Variants in CCNYL1 observed in about 807,000 individuals in gnomAD.
The protein encoded by CCNYL1 is cyclin Y like 1.
In CCNYL1, 16 loss-of-function variants were observed where a neutral mutation model predicts 44.2. That is an observed-to-expected ratio of 0.36 (90% confidence interval 0.25 to 0.55). The LOEUF (loss-of-function observed/expected upper bound fraction) is 0.55, where lower values mean the gene tolerates loss of function less well. Ranked by LOEUF, CCNYL1 falls within the 20% of genes least tolerant of loss-of-function variation. CCNYL1 has a pLI of 0.85. For missense variants in CCNYL1, 348 were observed against 451.8 expected, an observed-to-expected ratio of 0.77 and a Z score of 2.08; for synonymous variants, 159 against 163.2, an observed-to-expected ratio of 0.97 and a Z score of 0.20.
At chr2:207,739,765 A>G (rs2105834379) in intron 5 of CCNYL1, among the ~76,000 whole-genome samples, 1 of 152,308 alleles carries the variant, frequency 6.6e-6, no homozygotes, top group East Asian at 1.9e-4. Flanking sequence ...GATATTCATG[A>G]GTGAAGCAGG....
chr2:207,736,476 A>G (rs1207181666), intron 4 of CCNYL1, among the ~76,000 whole-genome samples: 1 of 152,214 alleles, frequency 6.6e-6, no homozygotes, highest in African/African-American at 2.4e-5. Flanking sequence ...ACTTAAACCA[A>G]TGTGGAAATA....
At chr2:207,724,184 A>G (rs927591400) in intron 1 of CCNYL1, among the ~76,000 whole-genome samples, 2 of 152,198 alleles carry the variant, frequency 1.3e-5, no homozygotes, top group East Asian at 1.9e-4. Context: ...ATTGAGGGCA[A>G]ACGTTAATCA....
chr2:207,726,336 C>T (rs1027685434), intron 2 of CCNYL1, among the ~76,000 whole-genome samples: 4 of 152,106 alleles, frequency 2.6e-5, no homozygotes, highest in East Asian at 1.9e-4. Context: ...TGTAAAGACC[C>T]GTTTATTTTT....
Position 207,734,088 on chromosome 2 carries a change from C to G in CCNYL1, c.431+41C>G, listed in dbSNP as rs781771006. The G allele has an allele frequency of 7.8e-6, 10 of 1,280,984 alleles. No homozygotes were observed. In the South Asian group the frequency reaches 1.1e-4, roughly 14 times the overall value. 79.4% of individuals were successfully genotyped at this position (1,280,984 alleles called of 1,614,324 possible). A position where few individuals can be genotyped will look rare whatever the true frequency, so the allele number is the denominator to read the frequency against. On this transcript the variant is annotated intron_variant, in intron 4 of 9. Transcript: ENST00000295414. ...CTGCCAAGGGCTGAGTGACAGACCC[C>G]CTTATGCTAAAAGCATCCTAGCCAT...
chr2:207,723,892 A>T (rs2091660376), intron 1 of CCNYL1, among the ~76,000 whole-genome samples: 1 of 151,784 alleles, frequency 6.6e-6, no homozygotes, highest in African/African-American at 2.4e-5. Flanking sequence ...AAAAAAAAAA[A>T]AAAGACCTTG....
intron 1 of CCNYL1, among the ~76,000 whole-genome samples, chr2:207,718,581 C>T (rs564282375): frequency 6.6e-6 from 1 of 151,996 alleles, no homozygotes; most frequent in African/African-American, 2.4e-5. Flanking sequence ...AAAATAAATG[C>T]AGATGATCCT....
chr2:207,728,053 T>C (rs2091694098), intron 3 of CCNYL1, among the ~76,000 whole-genome samples: 1 of 150,014 alleles, frequency 6.7e-6, no homozygotes, highest in African/African-American at 2.5e-5. Flanking sequence ...AACCTCTGCC[T>C]CCCGGGTTCA....
In CCNYL1 at chr2:207,753,630, G is replaced by A. The variant is rs528503126; in HGVS notation, c.1012G>A (p.Ala338Thr). 91 of 1,612,760 alleles carry A rather than the reference G, an allele frequency of 5.6e-5. No homozygotes were observed. The highest frequency in any genetic ancestry group is 3.6e-4 in the South Asian group (33 of 90,954). ...LCEDKDLCRA[A>T]MRRSFSADNF... ...TGAAGACAAAGACTTGTGTAGAGCCGCTATGAGAAGGTCTTTCAGTGCTGA... is the reference window on the plus strand; with the variant it reads ...TGAAGACAAAGACTTGTGTAGAGCCACTATGAGAAGGTCTTTCAGTGCTGA... Residue 338 changes from alanine to threonine, a missense_variant, in exon 10 of 10, where the codon GCT (alanine) becomes ACT (threonine). Ala to Thr is a moderately conservative substitution (Grantham distance 58). Around this residue, in one of 3 missense-constraint regions of CCNYL1, gnomAD observed 94 missense variants for 102.4 expected, o/e 0.92. Transcript: ENST00000295414.
chr2:207,719,178 A>G (rs577788955), intron 1 of CCNYL1, among the ~76,000 whole-genome samples: 6 of 152,292 alleles, frequency 3.9e-5, no homozygotes, highest in South Asian at 4.1e-4. Flanking sequence ...GCCAAAGTGC[A>G]TATTTGCTGA....
chr2:207,751,074 T>C lies in CCNYL1; in HGVS notation c.924T>C (p.Asn308=), dbSNP rs1314570149. 6.2e-7 allele frequency: 1 copy of C among 1,614,032 alleles called. No homozygotes were observed. Among genetic ancestry groups the C allele is most frequent in the African/African-American group, 1.3e-5 (1 of 74,926 alleles). ...CCTTAGCAGATGACAACAACCTGAA[T>C]TTTCTATTTGCTCCTCTTAGCAAAG... ...LRSLADDNNL[N]FLFAPLSKER... is the part of the protein sequence containing the mutation. The change falls in exon 9 of 10, where the codon AAT becomes AAC. Residue 308 remains asparagine, a synonymous_variant. Transcript: ENST00000295414.
intron 1 of CCNYL1, among the ~76,000 whole-genome samples, chr2:207,714,984 A>T (rs1274649299): frequency 6.6e-6 from 1 of 152,184 alleles, no homozygotes; most frequent in African/African-American, 2.4e-5. Context: ...GATGTAAAAC[A>T]TTTGGCTGGG....
chr2:207,726,866 A>G lies in CCNYL1; in HGVS notation c.320A>G (p.His107Arg). 1 of 1,560,630 alleles carries G rather than the reference A, an allele frequency of 6.4e-7. No homozygotes were observed. The highest frequency in any genetic ancestry group is 8.6e-7 in the Non-Finnish European group (1 of 1,160,646). Residue 107 changes from histidine (H) to arginine (R), a missense_variant, in exon 3 of 10, where the codon CAT becomes CGT. Physicochemically the swap from His to Arg is conservative, Grantham distance 29 (BLOSUM62 0). Coordinates refer to ENST00000295414, the MANE Select transcript of CCNYL1 (RefSeq NM_001330218.2). ...GTGCGAGAAAAGAGGAAGAGCAACCATTTGAACCATGTAAGTAAACAGTTG... is the reference window on the plus strand; with the variant it reads ...GTGCGAGAAAAGAGGAAGAGCAACCGTTTGAACCATGTAAGTAAACAGTTG... Reference protein sequence around the residue: ...TDVREKRKSNHLNHVSPGQLT... With the variant: ...TDVREKRKSNRLNHVSPGQLT...
At chr2:207,726,282 A>G (rs972573846) in intron 2 of CCNYL1, among the ~76,000 whole-genome samples, 2 of 152,228 alleles carry the variant, frequency 1.3e-5, no homozygotes, top group African/African-American at 4.8e-5. Flanking sequence ...TTAGGTTAAC[A>G]TTCATTTTAA....
intron 3 of CCNYL1, among the ~76,000 whole-genome samples, chr2:207,727,964 CTTTTT>C (rs535485306): frequency 1.4e-5 from 2 of 141,014 alleles, no homozygotes; most frequent in Non-Finnish European, 1.5e-5. Context: ...CTCTCTCTCT[CTTTTT>C]TTTTTTTTTT....
chr2:207,747,611 C>T (rs142175806), intron 8 of CCNYL1, among the ~76,000 whole-genome samples: 1 of 152,268 alleles, frequency 6.6e-6, no homozygotes, highest in East Asian at 1.9e-4. Context: ...TGCAGTGATG[C>T]AGTCTCGGCT....
intron 1 of CCNYL1, among the ~76,000 whole-genome samples, chr2:207,724,466 CAGT>C (rs1279266597): frequency 6.6e-6 from 1 of 152,170 alleles, no homozygotes; most frequent in African/African-American, 2.4e-5. Context: ...CTAGTAATAG[CAGT>C]AGAGAGGAGA....
chr2:207,747,183 A>T lies in CCNYL1; in HGVS notation c.776A>T (p.Gln259Leu). 1 of 1,613,960 alleles carries T rather than the reference A, an allele frequency of 6.2e-7. No homozygotes were observed. Among genetic ancestry groups the T allele is most frequent in the Non-Finnish European group, 8.5e-7 (1 of 1,179,896 alleles). The change falls in exon 8 of 10, where the codon CAG becomes CTG. Residue 259 changes from glutamine to leucine, a missense_variant. Physicochemically the swap from Gln to Leu is moderately radical, Grantham distance 113. Coordinates refer to ENST00000295414, the MANE Select transcript of CCNYL1 (RefSeq NM_001330218.2). The stretch of plus-strand genomic sequence containing the variant: ...GCTGTATGGAATGTGGACTACTGCC[A>T]GATCCTCAAGGACATTACAGTTGAG... Reference protein sequence around the residue: ...DQAVWNVDYCQILKDITVEDM... With the variant: ...DQAVWNVDYCLILKDITVEDM...
chr2:207,744,251 C>T (rs1210606937), intron 7 of CCNYL1, among the ~76,000 whole-genome samples: 1 of 136,070 alleles, frequency 7.3e-6, no homozygotes, highest in African/African-American at 3.1e-5. Context: ...TGTGTGTGTT[C>T]AAGGAACAAA....
intron 3 of CCNYL1, among the ~76,000 whole-genome samples, chr2:207,730,921 A>G (rs1020498963): frequency 6.6e-6 from 1 of 152,176 alleles, no homozygotes; most frequent in Non-Finnish European, 1.5e-5. Context: ...ATTTATGGTC[A>G]ATCTGCCATG....
Sources: gnomAD v4.1 joint callset for allele counts (sites outside exome capture counted in the v4.1 genomes callset) on GRCh38, gnomAD v4.1.1 for gene constraint, gnomAD v4.1.1 regional missense constraint, MANE v1.5 for transcripts, NCBI Gene and HGNC (gene_info 2026-07-23, HGNC 2026-07-21) for gene names.